Variants in THSD7B observed in about 807,000 individuals in gnomAD.
The protein encoded by THSD7B is thrombospondin type-1 domain-containing protein 7B.
In THSD7B, 138 loss-of-function variants were observed where a neutral mutation model predicts 213.6. That is an observed-to-expected ratio of 0.65 (90% CI 0.56 to 0.74). The LOEUF (loss-of-function observed/expected upper bound fraction) is 0.74. Ranked by LOEUF, THSD7B falls within the 30% of genes least tolerant of loss-of-function variation. THSD7B has a pLI of 0.00. For missense variants in THSD7B, 1,931 were observed against 1,991.5 expected (o/e 0.97, Z 0.58); for synonymous variants, 742 against 687.0 (o/e 1.08, Z -1.25).
At chr2:137,025,183 T>C (rs1686525076) in intron 2 of THSD7B, among the ~76,000 whole-genome samples, 1 of 152,174 alleles carries the variant, frequency 6.6e-6, no homozygotes, top group Non-Finnish European at 1.5e-5. Flanking sequence ...CTCTCTCTTT[T>C]TTCTCACTAT....
At chr2:136,882,380 CCTTCTT>C in intron 2 of THSD7B, 63 bp downstream of exon 2, 1 of 1,353,090 alleles carries the variant, frequency 7.4e-7, no homozygotes, top group Non-Finnish European at 9.6e-7. Context: ...TTCTTTCCAT[CCTTCTT>C]CTTCTTCTTT....
At chr2:137,344,697 C>T (rs886782104) in intron 12 of THSD7B, among the ~76,000 whole-genome samples, 1 of 151,530 alleles carries the variant, frequency 6.6e-6, no homozygotes, top group African/African-American at 2.4e-5. Context: ...TAGAAATGAA[C>T]TCCTAAAACA....
At chr2:137,155,783 G>T (rs1219756989) in intron 5 of THSD7B, among the ~76,000 whole-genome samples, 1 of 152,180 alleles carries the variant, frequency 6.6e-6, no homozygotes, top group African/African-American at 2.4e-5. Context: ...AGGTATAAAG[G>T]GTTTAAAGTG....
chr2:137,268,496 G>A (rs1329908782), intron 10 of THSD7B, among the ~76,000 whole-genome samples: 1 of 152,096 alleles, frequency 6.6e-6, no homozygotes, highest in Non-Finnish European at 1.5e-5. Context: ...CAACAAGGTG[G>A]GGATTATTCA....
rs574743195 is a variant in THSD7B at position 137,518,679 on chromosome 2, C to T, written c.3139-44542C>T. 3.3e-5 allele frequency among the ~76,000 whole-genome samples: 5 copies of T among 152,224 alleles called. 1 individual carries two copies. In the South Asian group the frequency reaches 8.3e-4, roughly 25 times the overall value. ...GTGGACACCACTCATCCTTTTTCCCCAGCCACCCCTGTCATTGCCCAATGG... is the reference window on the plus strand; with the variant it reads ...GTGGACACCACTCATCCTTTTTCCCTAGCCACCCCTGTCATTGCCCAATGG... On this transcript the variant is annotated intron_variant, in intron 15 of 27. Transcript: ENST00000409968.
intron 7 of THSD7B, among the ~76,000 whole-genome samples, chr2:137,196,482 AT>A (rs1447190774): frequency 1.6e-5 from 2 of 126,826 alleles, no homozygotes; most frequent in African/African-American, 6.0e-5. Context: ...TTTTAACATT[AT>A]TTTTTCACTG....
intron 15 of THSD7B, among the ~76,000 whole-genome samples, chr2:137,478,728 T>A (rs1688243483): frequency 6.6e-6 from 1 of 152,200 alleles, no homozygotes. Flanking sequence ...GGGGAGGACA[T>A]TTTCCTAAAG....
chr2:137,227,581 C>G (rs920816341), intron 7 of THSD7B, among the ~76,000 whole-genome samples: 24 of 152,024 alleles, frequency 1.6e-4, no homozygotes, highest in Admixed American at 5.2e-4. Flanking sequence ...ATAAATGTTC[C>G]TCTTCTGAGA....
chr2:137,659,196 C>T (rs1683294879), intron 24 of THSD7B, among the ~76,000 whole-genome samples: 2 of 152,106 alleles, frequency 1.3e-5, no homozygotes, highest in Admixed American at 6.6e-5. Context: ...TATTTGATAC[C>T]ATGGTCCCAT....
intron 2 of THSD7B, among the ~76,000 whole-genome samples, chr2:136,998,909 G>GACACACACACACACACACACAC (rs57138045): frequency 1.5e-5 from 2 of 129,898 alleles, no homozygotes; most frequent in Admixed American, 8.2e-5. Context: ...ATACCCAACA[G>GACACACACACACACACACACAC]ACACACACAC....
chr2:137,200,291 T>A (rs749746569), intron 7 of THSD7B, among the ~76,000 whole-genome samples: 1 of 152,152 alleles, frequency 6.6e-6, no homozygotes, highest in Non-Finnish European at 1.5e-5. Flanking sequence ...CTGGAATTAA[T>A]GAAAGAAATC....
At chr2:137,648,551 G>A (rs1456583302) in intron 21 of THSD7B, among the ~76,000 whole-genome samples, 1 of 152,058 alleles carries the variant, frequency 6.6e-6, no homozygotes, top group East Asian at 1.9e-4. Flanking sequence ...CAAATGACAG[G>A]ATTTTATTCT....
chr2:137,404,870 G>A (rs1049098199), intron 12 of THSD7B, among the ~76,000 whole-genome samples: 2 of 151,822 alleles, frequency 1.3e-5, no homozygotes, highest in Non-Finnish European at 2.9e-5. Flanking sequence ...AGTGGGAGGG[G>A]GGTGAGGGAT....
chr2:136,867,498 A>C (rs1323531848), intron 1 of THSD7B, among the ~76,000 whole-genome samples: 2 of 152,216 alleles, frequency 1.3e-5, no homozygotes, highest in Admixed American at 1.3e-4. Flanking sequence ...GAAAGGTTTA[A>C]AATACTTTCC....
intron 15 of THSD7B, among the ~76,000 whole-genome samples, chr2:137,451,500 A>T (rs1254891182): frequency 6.6e-6 from 1 of 152,008 alleles, no homozygotes; most frequent in Non-Finnish European, 1.5e-5. Context: ...TTCATTCTCA[A>T]TCTTGCCAAA....
intron 15 of THSD7B, among the ~76,000 whole-genome samples, chr2:137,552,752 G>T (rs1680874978): frequency 6.6e-6 from 1 of 152,194 alleles, no homozygotes; most frequent in South Asian, 2.1e-4. Context: ...GTGTAAGTGT[G>T]ATCCTTTCCA....
At chr2:137,655,466 T>G in intron 21 of THSD7B, 35 bp from the exon 22 acceptor site, 1 of 1,579,306 alleles carries the variant, frequency 6.3e-7, no homozygotes. Context: ...TGTGAATTAT[T>G]TGGGTAATTG....
intron 1 of THSD7B, among the ~76,000 whole-genome samples, chr2:136,807,508 C>CTTTTTTTTT (rs1314267493): frequency 1.4e-3 from 68 of 49,564 alleles, no homozygotes; most frequent in Non-Finnish European, 2.2e-3. Context: ...CAAAATGTTT[C>CTTTTTTTTT]GTTTTTTTTT....
intron 12 of THSD7B, among the ~76,000 whole-genome samples, chr2:137,289,808 A>T (rs943409203): frequency 1.3e-5 from 2 of 152,082 alleles, no homozygotes; most frequent in African/African-American, 4.8e-5. Flanking sequence ...GAGAAAAAAA[A>T]AGAGTGGGGT....
Sources: allele counts gnomAD v4.1 joint callset (sites outside exome capture counted in the v4.1 genomes callset), GRCh38; gene constraint gnomAD v4.1.1; transcripts MANE v1.5; gene names NCBI Gene and HGNC (gene_info 2026-07-23, HGNC 2026-07-21).